RAB1A: variants seen among roughly 807,000 people sequenced by gnomAD.
The protein encoded by RAB1A is ras-related protein Rab-1A.
Under a neutral mutation model 26.0 loss-of-function variants are expected in RAB1A, and 2 were observed. The ratio of observed to expected loss-of-function variants is 0.08; its 90% CI spans 0.03 to 0.24. RAB1A has a LOEUF of 0.24. Ranked by LOEUF, RAB1A falls within the 10% of genes least tolerant of loss-of-function variation. The pLI is 1.00. For missense variants in RAB1A, 100 were observed against 247.0 expected (o/e 0.40, Z 3.99); for synonymous variants, 84 against 84.9 (o/e 0.99, Z 0.06).
At chr2:65,095,857 C>T (rs1049209722) in intron 3 of RAB1A, among the ~76,000 whole-genome samples, 1 of 151,552 alleles carries the variant, frequency 6.6e-6, no homozygotes, top group African/African-American at 2.4e-5. Context: ...ACGAAAAATA[C>T]AAAAATTATC....
At chr2:65,091,724 T>C (rs1226125271) in intron 3 of RAB1A, among the ~76,000 whole-genome samples, 2 of 152,076 alleles carry the variant, frequency 1.3e-5, no homozygotes, top group Non-Finnish European at 2.9e-5. Context: ...AGAGTCTCGC[T>C]ACATTGCCCA....
intron 1 of RAB1A, among the ~76,000 whole-genome samples, chr2:65,125,593 TG>T (rs756219735): frequency 1.9e-4 from 29 of 151,652 alleles, no homozygotes; most frequent in Non-Finnish European, 4.0e-4. Context: ...AGCTAATTTT[TG>T]TATTTTTAGT....
intron 1 of RAB1A, among the ~76,000 whole-genome samples, chr2:65,117,483 C>A (rs996295250): frequency 6.6e-6 from 1 of 152,204 alleles, no homozygotes; most frequent in Non-Finnish European, 1.5e-5. Flanking sequence ...CAGGCATGAG[C>A]CACCACATCA....
rs71401771 is a variant in RAB1A, at chr2:65,101,742, CTT to C, written c.96+2990_96+2991del. ...ATTTATTGGCAATTTGTATTACTTC[CTT>C]TTTTTTTTTTTTTTTTTTTTTTGAG... is the stretch of plus-strand genomic sequence containing the variant. On this transcript the variant is annotated intron_variant, in intron 2 of 5. Coordinates refer to ENST00000409784, the MANE Select transcript of RAB1A (RefSeq NM_004161.5). 9.1e-3 allele frequency among the ~76,000 whole-genome samples: 639 copies of C among 70,578 alleles called. 2 individuals carry two copies. The highest frequency in any genetic ancestry group is 0.042 in the African/African-American group (614 of 14,716). The allele number at this position is 70,578 out of a possible 152,430, so 46.3% of individuals were successfully genotyped here.
Position 65,089,066 on chromosome 2 carries a change from G to T in RAB1A, c.293C>A (p.Ser98Tyr). The change falls in exon 5 of 6, where the codon TCC becomes TAC. Residue 98 changes from serine to tyrosine, a missense_variant. By Grantham distance (144) the Ser-to-Tyr change is moderately radical. Around this residue, in one of 2 missense-constraint regions of RAB1A, gnomAD observed 33 missense variants for 124.2 expected, o/e 0.27. Coordinates refer to ENST00000409784, the MANE Select transcript of RAB1A (RefSeq NM_004161.5). Reference sequence around the variant, plus strand: ...CAGCCACTGTTTAACATTATTGAAGGACTCCTAAAAAGACATTTGAAAGAC... The same window carrying T: ...CAGCCACTGTTTAACATTATTGAAGTACTCCTAAAAAGACATTTGAAAGAC... ...IVVYDVTDQE[S>Y]FNNVKQWLQE... 6.2e-7 allele frequency: 1 copy of T among 1,606,798 alleles called. No individual in the cohort carries two copies. The highest frequency in any genetic ancestry group is 1.1e-5 in the South Asian group (1 of 90,326).
At chr2:65,094,484 T>C (rs1669239110) in intron 3 of RAB1A, among the ~76,000 whole-genome samples, 1 of 151,114 alleles carries the variant, frequency 6.6e-6, no homozygotes. Flanking sequence ...CTAGGGAGGC[T>C]GAGGCAGAAG....
chr2:65,087,317 T>G lies in RAB1A; in HGVS notation c.*1176A>C, dbSNP rs531050039. 5.2e-5 allele frequency: 8 copies of G among 152,782 alleles called. No individual in the cohort carries two copies. Among genetic ancestry groups the G allele is most frequent in the Non-Finnish European group, 1.2e-4 (8 of 68,038 alleles). The allele number at this position is 152,782 out of a possible 1,614,324, so 9.5% of individuals were successfully genotyped here. ...CTCAATTATCATTACCACCCAGTAT[T>G]CATGTTTTAATTTTTAGGGATATAA... is the stretch of plus-strand genomic sequence containing the variant. On this transcript the variant is annotated 3_prime_UTR_variant, in exon 6 of 6. Transcript: ENST00000409784.
Position 65,097,987 on chromosome 2 carries a change from G to A in RAB1A, c.176C>T (p.Thr59Ile), listed in dbSNP as rs755146891. The change falls in exon 3 of 6, where the codon ACA becomes ATA. Residue 59 changes from threonine to isoleucine, a missense_variant. Coordinates refer to ENST00000409784, the MANE Select transcript of RAB1A (RefSeq NM_004161.5). ...GTCACTTACTATTTGAAGCTTGATTGTTTTCCCGTCTAACTCTATAGTTCT... is the reference window on the plus strand; with the variant it reads ...GTCACTTACTATTTGAAGCTTGATTATTTTCCCGTCTAACTCTATAGTTCT... ...KIRTIELDGK[T>I]IKLQIWDTAG... The A allele has an allele frequency of 1.3e-6, 2 of 1,564,036 alleles. No individual in the cohort carries two copies. Among genetic ancestry groups the A allele is most frequent in the Middle Eastern group, 1.7e-4 (1 of 5,868 alleles).
rs78797363 is a variant in RAB1A, at chr2:65,092,550, C to G, written c.193-1472G>C. On this transcript the variant is annotated intron_variant, in intron 3 of 5. Coordinates refer to ENST00000409784, the MANE Select transcript of RAB1A (RefSeq NM_004161.5). ...TTTCCTTTTCTTCCTTGCTCACCAA[C>G]CTCTTTCACAAAGATAGAAGGAAAA... Among the ~76,000 whole-genome samples the G allele has an allele frequency of 0.022, 3,386 of 152,320 alleles. 209 individuals are homozygous for G. In the East Asian group the frequency reaches 0.23, roughly 10 times the overall value.
At chr2:65,102,665 C>T (rs1314980030) in intron 2 of RAB1A, among the ~76,000 whole-genome samples, 2 of 151,494 alleles carry the variant, frequency 1.3e-5, no homozygotes, top group African/African-American at 4.9e-5. Flanking sequence ...CAGTAGTTCA[C>T]GCCTGTAATC....
intron 1 of RAB1A, among the ~76,000 whole-genome samples, chr2:65,117,723 C>T (rs547975249): frequency 3.7e-5 from 5 of 133,776 alleles, no homozygotes; most frequent in South Asian, 2.6e-4. Flanking sequence ...CGTGCCACCA[C>T]GTCCAGCTAG....
chr2:65,117,831 A>C (rs1369253382), intron 1 of RAB1A, among the ~76,000 whole-genome samples: 1 of 152,076 alleles, frequency 6.6e-6, no homozygotes. Flanking sequence ...TCAGCCTCCG[A>C]AAGTGCTGAG....
chr2:65,089,175 A>G, intron 4 of RAB1A, 105 bp from the exon 5 acceptor site: 3 of 1,063,742 alleles, frequency 2.8e-6, no homozygotes, highest in Non-Finnish European at 4.0e-6. Flanking sequence ...AGAGCTAGTG[A>G]GACAACTCTA....
At chr2:65,125,379 A>C (rs547246832) in intron 1 of RAB1A, among the ~76,000 whole-genome samples, 1 of 151,958 alleles carries the variant, frequency 6.6e-6, no homozygotes, top group African/African-American at 2.4e-5. Context: ...GATTATGAAA[A>C]ATGTTATGAG....
intron 1 of RAB1A, among the ~76,000 whole-genome samples, chr2:65,123,987 TTTTA>T (rs2103885006): frequency 6.6e-6 from 1 of 152,218 alleles, no homozygotes; most frequent in African/African-American, 2.4e-5. Flanking sequence ...AGGGGGAAAT[TTTTA>T]TTTTTTATTT....
intron 1 of RAB1A, among the ~76,000 whole-genome samples, chr2:65,115,230 T>C (rs538063130): frequency 4.6e-5 from 7 of 152,370 alleles, no homozygotes; most frequent in African/African-American, 1.7e-4. Flanking sequence ...CTTCTAAATG[T>C]CTTATTTGAA....
intron 5 of RAB1A, 36 bp from the exon 6 acceptor site, chr2:65,088,726 A>G: frequency 6.6e-7 from 1 of 1,525,092 alleles, no homozygotes; most frequent in Non-Finnish European, 8.9e-7. Flanking sequence ...ACACTGAAAA[A>G]TCTTTTTCAC....
chr2:65,125,430 T>TC, intron 1 of RAB1A, among the ~76,000 whole-genome samples: 1 of 146,834 alleles, frequency 6.8e-6, no homozygotes, highest in East Asian at 2.0e-4. Context: ...TTTCTTTTTT[T>TC]TTTTTTTTTT....
chr2:65,104,962 A>G, intron 1 of RAB1A, 156 bp from the exon 2 acceptor site: 1 of 758,608 alleles, frequency 1.3e-6, no homozygotes, highest in Non-Finnish European at 2.4e-6. Context: ...GCAAACAGCC[A>G]CAGCCCTTCT....
Sources: gnomAD v4.1 joint callset for allele counts (sites outside exome capture counted in the v4.1 genomes callset) on GRCh38, gnomAD v4.1.1 for gene constraint, gnomAD v4.1.1 regional missense constraint, MANE v1.5 for transcripts, NCBI Gene and HGNC (gene_info 2026-07-23, HGNC 2026-07-21) for gene names.